SPHKAP: variants seen among roughly 807,000 people sequenced by gnomAD.
SPHKAP encodes the protein SPHK1 interactor, AKAP domain containing.
SPHKAP carries 67 observed loss-of-function variants against 137.5 expected under a neutral mutation model. The observed-to-expected ratio is 0.49, with a 90% CI of 0.40 to 0.60. The LOEUF (loss-of-function observed/expected upper bound fraction) is 0.60, where lower values mean the gene tolerates loss of function less well. Among genes scored for constraint, SPHKAP ranks in the 20% least tolerant of loss-of-function variants. SPHKAP has a pLI of 0.00. For synonymous variants in SPHKAP, 813 were observed against 785.3 expected (o/e 1.04, Z -0.59); for missense variants, 2,097 against 2,069.3 (o/e 1.01, Z -0.26).
intron 2 of SPHKAP, among the ~76,000 whole-genome samples, chr2:228,112,569 G>A (rs151273077): frequency 0.018 from 2,781 of 152,048 alleles, 41 homozygotes; most frequent in Middle Eastern, 0.071. Context: ...GTACATTTTC[G>A]TGGTGAAACA....
intron 2 of SPHKAP, among the ~76,000 whole-genome samples, chr2:228,116,073 C>G (rs1167831969): frequency 1.3e-5 from 2 of 152,112 alleles, no homozygotes; most frequent in Non-Finnish European, 2.9e-5. Context: ...AACTTTCCAG[C>G]CTCTAGAACT....
intron 3 of SPHKAP, among the ~76,000 whole-genome samples, chr2:228,064,355 G>A (rs1012688387): frequency 6.6e-6 from 1 of 152,188 alleles, no homozygotes; most frequent in African/African-American, 2.4e-5. Flanking sequence ...ATCATCGTGT[G>A]TAGAATAAAA....
At chr2:228,144,925 A>T (rs1319430162) in intron 1 of SPHKAP, among the ~76,000 whole-genome samples, 1 of 152,220 alleles carries the variant, frequency 6.6e-6, no homozygotes, top group Non-Finnish European at 1.5e-5. Context: ...CAAAGATAAC[A>T]TCCCACGGCA....
intron 3 of SPHKAP, among the ~76,000 whole-genome samples, chr2:228,049,001 A>G (rs923188599): frequency 5.9e-5 from 9 of 152,132 alleles, no homozygotes; most frequent in African/African-American, 2.2e-4. Flanking sequence ...TAGACCGGGA[A>G]AGGGAGTGTG....
Position 228,018,391 on chromosome 2 carries a change from G to A in SPHKAP, c.2463C>T (p.Pro821=), listed in dbSNP as rs762467654. The A allele has an allele frequency of 1.1e-5, 18 of 1,613,918 alleles. No homozygotes were observed. Among genetic ancestry groups the A allele is most frequent in the South Asian group, 6.6e-5 (6 of 91,048 alleles). Reference sequence around the variant, plus strand: ...AGGATGTTGTAGCAGTTGAAGAATCGGGCACTCTGTGACTACGTGATAATT... The same window carrying A: ...AGGATGTTGTAGCAGTTGAAGAATCAGGCACTCTGTGACTACGTGATAATT... ...QSQLSRSHRV[P]DSSTATTSSK... Residue 821 remains proline, a synonymous_variant, in exon 7 of 12, where the codon CCC becomes CCT. Transcript: ENST00000392056.
intron 3 of SPHKAP, among the ~76,000 whole-genome samples, chr2:228,099,152 T>G (rs186628167): frequency 6.6e-6 from 1 of 152,196 alleles, no homozygotes; most frequent in African/African-American, 2.4e-5. Context: ...TTCTAGGATG[T>G]TTATATTTTT....
chr2:228,019,412 C>A lies in SPHKAP; in HGVS notation c.1442G>T (p.Ser481Ile). The A allele has an allele frequency of 6.2e-7, 1 of 1,614,124 alleles. No individual in the cohort carries two copies. Among genetic ancestry groups the A allele is most frequent in the Non-Finnish European group, 8.5e-7 (1 of 1,180,022 alleles). The change falls in exon 7 of 12, where the codon AGC (serine) becomes ATC (isoleucine). Residue 481 changes from serine to isoleucine, a missense_variant. By Grantham distance (142) the Ser-to-Ile change is moderately radical (BLOSUM62 -2). Transcript: ENST00000392056. ...GCTGGAGTTCTCTCCAGAGAGGATG[C>A]TTGAGGTTTCAACAGAGACTTCCAT... ...PEMEVSVETS[S>I]ILSGENSSRQ... is the part of the protein sequence containing the mutation.
At chr2:228,031,223 C>T (rs570190278) in intron 3 of SPHKAP, among the ~76,000 whole-genome samples, 179 of 152,322 alleles carry the variant, frequency 1.2e-3, no homozygotes, top group Non-Finnish European at 1.8e-3. Flanking sequence ...GATTATATCC[C>T]GCACCTGGCT....
At chr2:228,043,074 C>A (rs1230581732) in intron 3 of SPHKAP, among the ~76,000 whole-genome samples, 1 of 152,072 alleles carries the variant, frequency 6.6e-6, no homozygotes, top group Non-Finnish European at 1.5e-5. Flanking sequence ...AAATATCAAC[C>A]ATTTCCTAGT....
intron 3 of SPHKAP, among the ~76,000 whole-genome samples, chr2:228,084,662 A>T (rs1161858966): frequency 6.6e-6 from 1 of 152,094 alleles, no homozygotes; most frequent in Non-Finnish European, 1.5e-5. Context: ...TATGCTAAAA[A>T]CCCAAGTGAA....
chr2:228,166,651 C>T (rs751909396), intron 1 of SPHKAP, among the ~76,000 whole-genome samples: 1 of 152,022 alleles, frequency 6.6e-6, no homozygotes, highest in African/African-American at 2.4e-5. Context: ...GTCTTTGACA[C>T]AATAGAAATA....
rs539447391 is a variant in SPHKAP, at chr2:228,139,018, T to C, written c.33-6933A>G. Among the ~76,000 whole-genome samples the C allele has an allele frequency of 1.1e-4, 16 of 152,256 alleles. No individual in the cohort carries two copies. In the East Asian group the frequency reaches 2.7e-3, roughly 26 times the overall value. The stretch of plus-strand genomic sequence containing the variant: ...CAATAAAGAAAATATAAACAGGTCA[T>C]TCATTATTAATCATAAAACAAGTGT... On this transcript the variant is annotated intron_variant, in intron 1 of 11. Coordinates refer to ENST00000392056, the MANE Select transcript of SPHKAP (RefSeq NM_001142644.2).
At chr2:228,156,413 G>T (rs1415651712) in intron 1 of SPHKAP, among the ~76,000 whole-genome samples, 1 of 152,074 alleles carries the variant, frequency 6.6e-6, no homozygotes, top group African/African-American at 2.4e-5. Context: ...ATTTTCTAAG[G>T]TAAAGTCTTC....
intron 9 of SPHKAP, among the ~76,000 whole-genome samples, chr2:227,992,018 T>G (rs568030835): frequency 1.3e-5 from 2 of 152,314 alleles, no homozygotes; most frequent in African/African-American, 4.8e-5. Flanking sequence ...TGTTTTCATA[T>G]GGTGTGTACT....
intron 3 of SPHKAP, among the ~76,000 whole-genome samples, chr2:228,074,545 C>A (rs1697112109): frequency 6.6e-6 from 1 of 152,116 alleles, no homozygotes; most frequent in South Asian, 2.1e-4. Context: ...ATCACCAGAA[C>A]AGTATGGAGG....
At chr2:228,164,658 A>G (rs965941812) in intron 1 of SPHKAP, among the ~76,000 whole-genome samples, 1 of 152,194 alleles carries the variant, frequency 6.6e-6, no homozygotes, top group Admixed American at 6.5e-5. Context: ...ATGGTCCCCA[A>G]GGCTTAACCT....
chr2:228,137,775 A>C (rs1699481467), intron 1 of SPHKAP, among the ~76,000 whole-genome samples: 2 of 152,214 alleles, frequency 1.3e-5, no homozygotes, highest in South Asian at 4.1e-4. Flanking sequence ...ATGACAACCA[A>C]AAATTGAGAG....
chr2:227,993,984 T>A (rs1693526504), intron 8 of SPHKAP: 1 of 919,824 alleles, frequency 1.1e-6, no homozygotes, highest in African/African-American at 1.8e-5. Context: ...GCAAGAGATT[T>A]CTTGCTGCTG....
intron 7 of SPHKAP, among the ~76,000 whole-genome samples, chr2:227,996,815 A>T (rs1693656967): frequency 6.6e-6 from 1 of 152,112 alleles, no homozygotes; most frequent in South Asian, 2.1e-4. Flanking sequence ...TTCAGTTCCA[A>T]CTCAAAAGCT....
Sources: allele counts gnomAD v4.1 joint callset (sites outside exome capture counted in the v4.1 genomes callset), GRCh38; gene constraint gnomAD v4.1.1; transcripts MANE v1.5; gene names NCBI Gene and HGNC (gene_info 2026-07-23, HGNC 2026-07-21).